The following CWC22 variants were observed in gnomAD, a reference collection of about 807,000 sequenced individuals.
CWC22 encodes the protein pre-mRNA-splicing factor CWC22 homolog.
In CWC22, 53 loss-of-function variants were observed where a neutral mutation model predicts 117.2. The observed-to-expected ratio is 0.45, with a 90% CI of 0.36 to 0.57. CWC22 has a LOEUF of 0.57. Ranked by LOEUF, CWC22 falls within the 20% of genes least tolerant of loss-of-function variation. CWC22 has a pLI of 0.00. For synonymous variants in CWC22, 360 were observed against 355.6 expected (o/e 1.01, Z -0.14); for missense variants, 980 against 1,068.8 (o/e 0.92, Z 1.16).
intron 1 of CWC22, among the ~76,000 whole-genome samples, chr2:180,005,331 A>C (rs1687944736): frequency 6.6e-6 from 1 of 152,220 alleles, no homozygotes; most frequent in Admixed American, 6.5e-5. Flanking sequence ...TAATCCCAGC[A>C]CTTTGGGAGG....
chr2:179,978,370 A>G, intron 5 of CWC22, 52 bp from the exon 6 acceptor site: 1 of 1,384,074 alleles, frequency 7.2e-7, no homozygotes, highest in Non-Finnish European at 9.4e-7. Flanking sequence ...AATAATAAGA[A>G]GCTATAAGAA....
chr2:179,978,725 C>A (rs1325123337), intron 5 of CWC22, among the ~76,000 whole-genome samples: 3 of 151,886 alleles, frequency 2.0e-5, no homozygotes, highest in Non-Finnish European at 4.4e-5. Context: ...ACATGAAATA[C>A]CCAAATATAA....
intron 14 of CWC22, among the ~76,000 whole-genome samples, chr2:179,957,458 T>G (rs1686624720): frequency 6.6e-6 from 1 of 152,218 alleles, no homozygotes; most frequent in Non-Finnish European, 1.5e-5. Flanking sequence ...TCAAAACTAC[T>G]TATTCTGCGG....
intron 11 of CWC22, among the ~76,000 whole-genome samples, chr2:179,967,213 G>C (rs575491002): frequency 4.6e-5 from 7 of 152,310 alleles, no homozygotes; most frequent in Non-Finnish European, 8.8e-5. Context: ...CCCACTTCCT[G>C]CTGGGGCCAT....
At chr2:179,976,393 A>C (rs1354877234) in intron 6 of CWC22, among the ~76,000 whole-genome samples, 1 of 152,238 alleles carries the variant, frequency 6.6e-6, no homozygotes, top group Non-Finnish European at 1.5e-5. Flanking sequence ...CACAGGCAAC[A>C]AAAGCAAAAA....
At chr2:179,984,376 C>T (rs1687361382) in intron 4 of CWC22, among the ~76,000 whole-genome samples, 1 of 151,962 alleles carries the variant, frequency 6.6e-6, no homozygotes, top group African/African-American at 2.4e-5. Flanking sequence ...AGTAGTCATT[C>T]TCATTAAGGT....
intron 2 of CWC22, among the ~76,000 whole-genome samples, chr2:179,988,875 A>G (rs1687486680): frequency 6.6e-6 from 1 of 151,722 alleles, no homozygotes; most frequent in Non-Finnish European, 1.5e-5. Flanking sequence ...ATGGACCAAA[A>G]ACTTCTTTTT....
chr2:179,948,360 A>G (rs898169052), intron 19 of CWC22, among the ~76,000 whole-genome samples: 1 of 149,442 alleles, frequency 6.7e-6, no homozygotes, highest in Non-Finnish European at 1.5e-5. Context: ...TACTAGATGT[A>G]GAAGAAAACA....
chr2:179,974,020 G>T (rs956193772), intron 6 of CWC22, among the ~76,000 whole-genome samples: 16 of 152,096 alleles, frequency 1.1e-4, no homozygotes, highest in African/African-American at 3.4e-4. Flanking sequence ...AGATTTTACT[G>T]CAATTTATCA....
rs774455813 is a variant in CWC22, at chr2:179,970,532, C to T, written c.1179G>A (p.Glu393=). 1.3e-6 allele frequency: 2 copies of T among 1,543,876 alleles called. No homozygotes were observed. The highest frequency in any genetic ancestry group is 2.4e-5 in the South Asian group (2 of 83,378). ...NVFKMDPNFM[E]NEEKYKAIKK... is the part of the protein sequence containing the mutation. ...TAATAGCTTTGTACTTCTCTTCATT[C>T]TCCATAAAATTAGGATCCATCTTGA... The change falls in exon 11 of 20, where the codon GAG becomes GAA. Residue 393 remains glutamate, a synonymous_variant. Transcript: ENST00000410053.
At chr2:179,982,070 T>C in intron 4 of CWC22, 73 bp from the exon 5 acceptor site, 1 of 781,850 alleles carries the variant, frequency 1.3e-6, no homozygotes, top group South Asian at 1.7e-5. Flanking sequence ...TGCACACAAA[T>C]GAGTGAGACC....
At chr2:179,977,693 T>C (rs148710949) in intron 6 of CWC22, among the ~76,000 whole-genome samples, 4 of 152,278 alleles carry the variant, frequency 2.6e-5, no homozygotes, top group East Asian at 3.9e-4. Context: ...ACTTGAAAGC[T>C]GAAAACAGAG....
At chr2:179,984,176 G>A (rs1284199741) in intron 4 of CWC22, among the ~76,000 whole-genome samples, 2 of 152,018 alleles carry the variant, frequency 1.3e-5, no homozygotes, top group African/African-American at 2.4e-5. Context: ...AGAAGCTTTG[G>A]AGCCAGAACT....
At chr2:179,966,733 A>G (rs768528712) in intron 11 of CWC22, among the ~76,000 whole-genome samples, 24 of 152,226 alleles carry the variant, frequency 1.6e-4, no homozygotes, top group Non-Finnish European at 3.1e-4. Context: ...ATTTTGTCCA[A>G]TGGTGCTCTG....
chr2:179,966,027 A>G (rs748493052), intron 11 of CWC22, 45 bp from the exon 12 acceptor site: 1 of 1,410,740 alleles, frequency 7.1e-7, no homozygotes. Flanking sequence ...TGCAAGTCAT[A>G]TACATGTATT....
At chr2:179,975,848 T>C (rs1687140497) in intron 6 of CWC22, among the ~76,000 whole-genome samples, 1 of 152,194 alleles carries the variant, frequency 6.6e-6, no homozygotes, top group African/African-American at 2.4e-5. Flanking sequence ...ACATACAGAC[T>C]GGACTCAATC....
chr2:179,974,049 C>T (rs752859928), intron 6 of CWC22, among the ~76,000 whole-genome samples: 1 of 152,128 alleles, frequency 6.6e-6, no homozygotes, highest in Non-Finnish European at 1.5e-5. Flanking sequence ...TTTCTCTCTA[C>T]ATATAATTCC....
At chr2:179,989,477 A>G (rs559110163) in intron 2 of CWC22, among the ~76,000 whole-genome samples, 1 of 152,304 alleles carries the variant, frequency 6.6e-6, no homozygotes, top group Non-Finnish European at 1.5e-5. Flanking sequence ...ACATGTTTAT[A>G]AAAGTTAATT....
rs1397542053 is a variant in CWC22 at position 179,993,411 on chromosome 2, T to C, written c.-70A>G. The C allele has an allele frequency of 8.3e-6, 9 of 1,081,750 alleles. No homozygotes were observed. The highest frequency in any genetic ancestry group is 1.2e-5 in the Non-Finnish European group (9 of 720,522). 67.0% of individuals were successfully genotyped at this position (1,081,750 alleles called of 1,614,324 possible). On this transcript the variant is annotated 5_prime_UTR_variant, in exon 2 of 20. Coordinates refer to ENST00000410053, the MANE Select transcript of CWC22 (RefSeq NM_020943.3). Reference sequence around the variant, plus strand: ...GGTCCAAATAACAAGTACCCAATGCTCTGAATTCCTTGACAGTTTACTTTT... The same window carrying C: ...GGTCCAAATAACAAGTACCCAATGCCCTGAATTCCTTGACAGTTTACTTTT...
Sources: gnomAD v4.1 joint callset for allele counts (sites outside exome capture counted in the v4.1 genomes callset) on GRCh38, gnomAD v4.1.1 for gene constraint, MANE v1.5 for transcripts, NCBI Gene and HGNC (gene_info 2026-07-23, HGNC 2026-07-21) for gene names.